PAX5: variants seen among roughly 807,000 people sequenced by gnomAD.
PAX5 encodes paired box protein Pax-5.
A neutral mutation model predicts 43.7 loss-of-function variants in PAX5; 9 were observed. The observed-to-expected ratio is 0.21, with a 90% CI of 0.12 to 0.36. The LOEUF (loss-of-function observed/expected upper bound fraction) is 0.36. Among genes scored for constraint, PAX5 ranks in the 10% least tolerant of loss-of-function variants. PAX5 has a pLI of 1.00. For synonymous variants in PAX5, 228 were observed against 214.3 expected, an observed-to-expected ratio of 1.06 and a Z score of -0.56; for missense variants, 383 against 532.7, an observed-to-expected ratio of 0.72 and a Z score of 2.77.
At chr9:36,896,350 G>C (rs1318581163) in intron 7 of PAX5, among the ~76,000 whole-genome samples, 2 of 151,832 alleles carry the variant, frequency 1.3e-5, no homozygotes, top group Non-Finnish European at 2.9e-5. Context: ...CTGATATTTT[G>C]TAACGCCAGC....
intron 1 of PAX5, chr9:37,026,861 C>T (rs1840435272): frequency 2.9e-6 from 1 of 339,250 alleles, no homozygotes; most frequent in African/African-American, 2.2e-5. Context: ...GGGCCCAGCC[C>T]GGGGTAGCTG....
At chr9:37,033,400 T>C (rs190491837) in intron 1 of PAX5, among the ~76,000 whole-genome samples, 3 of 152,322 alleles carry the variant, frequency 2.0e-5, no homozygotes, top group Admixed American at 6.5e-5. Flanking sequence ...GAAAGGTCAG[T>C]GTAGCCACTT....
intron 8 of PAX5, among the ~76,000 whole-genome samples, chr9:36,864,937 C>T (rs935343468): frequency 2.6e-5 from 4 of 152,250 alleles, no homozygotes; most frequent in African/African-American, 4.8e-5. Context: ...TTCCAGCACT[C>T]TAACGGGCTG....
At chr9:36,904,782 G>A (rs760871335) in intron 7 of PAX5, among the ~76,000 whole-genome samples, 1 of 152,198 alleles carries the variant, frequency 6.6e-6, no homozygotes, top group Non-Finnish European at 1.5e-5. Context: ...GGAGTGCTGC[G>A]TGATTAGTAA....
rs1841297179 is a variant in PAX5 at position 37,034,098 on chromosome 9, C to CTTTCTTTTTTTTTTTTTTTTTTTTT, written c.-68_-67insAAAAAAAAAAAAAAAAAAAAAGAAA. The CTTTCTTTTTTTTTTTTTTTTTTTTT allele has an allele frequency of 1.2e-5, 3 of 242,538 alleles. No homozygotes were observed. The African/African-American group carries it at 1.4e-4, about 12-fold the overall frequency. The allele number at this position is 242,538 out of a possible 1,614,324, so 15.0% of individuals were successfully genotyped here. ...TCCACTTTTTTGTGCCTTTTTTTTTCTTTTTTTTTTTTTTTTTTTTTTTTT... is the reference window on the plus strand; with the variant it reads ...TCCACTTTTTTGTGCCTTTTTTTTTCTTTCTTTTTTTTTTTTTTTTTTTTTTTTTTTTTTTTTTTTTTTTTTTTTT... On this transcript the variant is annotated 5_prime_UTR_variant, in exon 1 of 10. Transcript: ENST00000358127.
chr9:36,999,029 C>T (rs918428983), intron 5 of PAX5, among the ~76,000 whole-genome samples: 1 of 152,144 alleles, frequency 6.6e-6, no homozygotes, highest in Non-Finnish European at 1.5e-5. Context: ...TAGTCACTGT[C>T]ATGTTATCTT....
intron 5 of PAX5, among the ~76,000 whole-genome samples, chr9:36,998,424 C>T (rs1392105741): frequency 1.3e-5 from 2 of 152,212 alleles, no homozygotes; most frequent in African/African-American, 4.8e-5. Context: ...GCACCCTTGA[C>T]TGAGGATAGT....
intron 6 of PAX5, among the ~76,000 whole-genome samples, chr9:36,964,138 G>A (rs34603314): frequency 0.022 from 3,387 of 152,128 alleles, 63 homozygotes; most frequent in Non-Finnish European, 0.033. Flanking sequence ...AAAATTAGCC[G>A]GGCATGGTGG....
rs541426600 is a variant in PAX5, at chr9:37,033,552, C to A, written c.46+434G>T. 5.3e-5 allele frequency among the ~76,000 whole-genome samples: 8 copies of A among 152,162 alleles called. No individual in the cohort carries two copies. The South Asian group carries it at 1.7e-3, about 32-fold the overall frequency. On this transcript the variant is annotated intron_variant, in intron 1 of 9. Coordinates refer to ENST00000358127, the MANE Select transcript of PAX5 (RefSeq NM_016734.3). ...TTTTGGATACCCAAAAGAATATACA[C>A]AAGTACTAACTTATAAACACACACG...
At chr9:36,893,779 C>T (rs1010285772) in intron 7 of PAX5, among the ~76,000 whole-genome samples, 12 of 152,222 alleles carry the variant, frequency 7.9e-5, no homozygotes, top group African/African-American at 2.9e-4. Flanking sequence ...CACTTACAGA[C>T]GTGCAGAGCC....
chr9:37,010,382 C>T (rs1483734809), intron 3 of PAX5, among the ~76,000 whole-genome samples: 1 of 152,184 alleles, frequency 6.6e-6, no homozygotes, highest in Non-Finnish European at 1.5e-5. Context: ...AATTGCACAG[C>T]GAGTCAGCCC....
At chr9:36,889,259 G>A (rs562567361) in intron 7 of PAX5, among the ~76,000 whole-genome samples, 8 of 152,242 alleles carry the variant, frequency 5.3e-5, no homozygotes, top group Non-Finnish European at 7.3e-5. Context: ...ATAAGGTTGC[G>A]GTTATAATCC....
At chr9:36,891,443 T>C (rs1375346792) in intron 7 of PAX5, among the ~76,000 whole-genome samples, 1 of 152,254 alleles carries the variant, frequency 6.6e-6, no homozygotes, top group Non-Finnish European at 1.5e-5. Flanking sequence ...GGCTTATTCG[T>C]TCCAGCTGGT....
At chr9:36,941,645 C>A (rs1444954311) in intron 6 of PAX5, among the ~76,000 whole-genome samples, 1 of 152,206 alleles carries the variant, frequency 6.6e-6, no homozygotes, top group African/African-American at 2.4e-5. Flanking sequence ...CAGACTCCCC[C>A]TCTTTGCCTG....
chr9:36,920,221 G>C (rs1183737566), intron 7 of PAX5, among the ~76,000 whole-genome samples: 1 of 152,158 alleles, frequency 6.6e-6, no homozygotes, highest in Non-Finnish European at 1.5e-5. Context: ...TAGTTGGTAG[G>C]GTAGTGGCAA....
At chr9:36,857,053 T>G (rs536569260) in intron 8 of PAX5, among the ~76,000 whole-genome samples, 1 of 152,324 alleles carries the variant, frequency 6.6e-6, no homozygotes, top group East Asian at 1.9e-4. Context: ...ATCCAACTCA[T>G]GTATTCATGA....
At position 36,879,056 on chromosome 9, in the gene PAX5, G is replaced by A. The variant is rs145165363; in HGVS notation, c.1012+2948C>T. ...CTCCCAGGCAGCAGGCTCCTCTGCC[G>A]AAGTGCTTGTTTCCTCCCTCCACAC... On this transcript the variant is annotated intron_variant, in intron 8 of 9. Coordinates refer to ENST00000358127, the MANE Select transcript of PAX5 (RefSeq NM_016734.3). Among the ~76,000 whole-genome samples the A allele has an allele frequency of 2.1e-3, 315 of 152,312 alleles. 1 individual carries two copies. Among genetic ancestry groups the A allele is most frequent in the African/African-American group, 7.3e-3 (302 of 41,568 alleles).
rs566799725 is a variant in PAX5, at chr9:36,883,618, C to T, written c.911-1513G>A. On this transcript the variant is annotated intron_variant, in intron 7 of 9. Coordinates refer to ENST00000358127, the MANE Select transcript of PAX5 (RefSeq NM_016734.3). Reference sequence around the variant, plus strand: ...CCTAAGTGGTGTAGGTTGCAGTGAGCTGAGGTGGCACCACTGCACTTCAGC... The same window carrying T: ...CCTAAGTGGTGTAGGTTGCAGTGAGTTGAGGTGGCACCACTGCACTTCAGC... Among the ~76,000 whole-genome samples the T allele has an allele frequency of 1.6e-4, 25 of 152,262 alleles. No individual in the cohort carries two copies. The South Asian group carries it at 5.2e-3, about 32-fold the overall frequency.
chr9:36,965,607 C>A (rs1161404357), intron 6 of PAX5, among the ~76,000 whole-genome samples: 1 of 152,188 alleles, frequency 6.6e-6, no homozygotes, highest in Non-Finnish European at 1.5e-5. Flanking sequence ...CTTGGACTGA[C>A]TTTTTGGAGA....
Sources: gnomAD v4.1 joint callset for allele counts (sites outside exome capture counted in the v4.1 genomes callset) on GRCh38, gnomAD v4.1.1 for gene constraint, MANE v1.5 for transcripts, NCBI Gene and HGNC (gene_info 2026-07-23, HGNC 2026-07-21) for gene names.